ADAMTS19: variants seen among roughly 807,000 people sequenced by gnomAD.
ADAMTS19 encodes A disintegrin and metalloproteinase with thrombospondin motifs 19.
A neutral mutation model predicts 153.3 loss-of-function variants in ADAMTS19; 93 were observed. The observed-to-expected ratio is 0.61, with a 90% CI of 0.51 to 0.72. ADAMTS19 has a LOEUF of 0.72. Among genes scored for constraint, ADAMTS19 ranks in the 30% least tolerant of loss-of-function variants. ADAMTS19 has a pLI of 0.00. For synonymous variants in ADAMTS19, 600 were observed against 556.6 expected (o/e 1.08, Z -1.10); for missense variants, 1,482 against 1,552.1 (o/e 0.95, Z 0.76).
chr5:129,711,011 C>A (rs1347565208), intron 21 of ADAMTS19, among the ~76,000 whole-genome samples: 1 of 152,164 alleles, frequency 6.6e-6, no homozygotes, highest in Non-Finnish European at 1.5e-5. Flanking sequence ...CATGCCTATA[C>A]TGACCAATGA....
At chr5:129,536,707 A>G (rs562945511) in intron 6 of ADAMTS19, among the ~76,000 whole-genome samples, 1 of 152,342 alleles carries the variant, frequency 6.6e-6, no homozygotes, top group Admixed American at 6.5e-5. Flanking sequence ...TGTGGCACAT[A>G]TACACATGGA....
intron 2 of ADAMTS19, among the ~76,000 whole-genome samples, chr5:129,490,556 A>G (rs1750730134): frequency 6.6e-6 from 1 of 152,232 alleles, no homozygotes; most frequent in South Asian, 2.1e-4. Flanking sequence ...TCTAGGAACC[A>G]AATAAAATCA....
intron 16 of ADAMTS19, among the ~76,000 whole-genome samples, chr5:129,669,831 T>C (rs1444879800): frequency 2.0e-5 from 3 of 152,158 alleles, no homozygotes; most frequent in Non-Finnish European, 4.4e-5. Flanking sequence ...TTTTCATTGT[T>C]GCATTGGTTG....
chr5:129,466,375 G>A (rs1439070111), intron 2 of ADAMTS19, among the ~76,000 whole-genome samples: 1 of 151,676 alleles, frequency 6.6e-6, no homozygotes, highest in African/African-American at 2.4e-5. Flanking sequence ...AATACAAGAA[G>A]CAAAAAATTA....
intron 20 of ADAMTS19, 26 bp downstream of exon 20, chr5:129,701,618 C>G: frequency 6.2e-7 from 1 of 1,610,688 alleles, no homozygotes; most frequent in Non-Finnish European, 8.5e-7. Flanking sequence ...CTTTCTTTCC[C>G]CATTCCTACT....
intron 8 of ADAMTS19, among the ~76,000 whole-genome samples, chr5:129,610,054 A>ACC (rs1414450682): frequency 6.6e-6 from 1 of 151,052 alleles, no homozygotes; most frequent in East Asian, 1.9e-4. Context: ...AAATATAACA[A>ACC]CTTCTGTTCT....
At chr5:129,516,993 T>C (rs1561547019) in intron 3 of ADAMTS19, among the ~76,000 whole-genome samples, 1 of 151,724 alleles carries the variant, frequency 6.6e-6, no homozygotes, top group Non-Finnish European at 1.5e-5. Flanking sequence ...TTATCTTTGT[T>C]TCAAGAAATT....
At chr5:129,617,996 A>C (rs775794937) in intron 8 of ADAMTS19, among the ~76,000 whole-genome samples, 46 of 152,038 alleles carry the variant, frequency 3.0e-4, no homozygotes, top group Non-Finnish European at 5.1e-4. Context: ...GTCAGGCACT[A>C]CATATCATGT....
At chr5:129,497,357 T>A (rs1387966516) in intron 2 of ADAMTS19, among the ~76,000 whole-genome samples, 1 of 152,098 alleles carries the variant, frequency 6.6e-6, no homozygotes, top group Non-Finnish European at 1.5e-5. Context: ...TTCTGTTCTT[T>A]CTCTATCCTC....
At position 129,532,454 on chromosome 5, in the gene ADAMTS19, A is replaced by G. The variant is rs577775007; in HGVS notation, c.1328+3777A>G. Among the ~76,000 whole-genome samples, 15 of 152,272 alleles carry G rather than the reference A, an allele frequency of 9.9e-5. No homozygotes were observed. The East Asian group carries it at 1.7e-3, about 18-fold the overall frequency. On this transcript the variant is annotated intron_variant, in intron 6 of 22. Transcript: ENST00000274487. ...CAGTTATAAAAATTGAAAATACTCA[A>G]TGATGGTGAGGATATGGAACACTCC...
Position 129,679,888 on chromosome 5 carries a change from C to T in ADAMTS19, c.2631C>T (p.Ala877=). The T allele has an allele frequency of 1.2e-6, 2 of 1,613,932 alleles. No individual in the cohort carries two copies. The highest frequency in any genetic ancestry group is 2.2e-5 in the South Asian group (2 of 91,058). Residue 877 remains alanine, a synonymous_variant, in exon 17 of 23, where the codon GCC becomes GCT. Coordinates refer to ENST00000274487, the MANE Select transcript of ADAMTS19 (RefSeq NM_133638.6). The part of the protein sequence containing the change: ...VRRGLWEKIS[A]KGPTTAPLHL... The stretch of plus-strand genomic sequence containing the variant: ...GAGGCCTCTGGGAGAAGATCTCTGC[C>T]AAAGGTCCTACTACAGCACCTTTAC...
chr5:129,737,121 T>C lies in ADAMTS19; in HGVS notation c.3545T>C (p.Ile1182Thr). Residue 1182 changes from isoleucine (I) to threonine (T), a missense_variant, in exon 23 of 23, where the codon ATA becomes ACA. Transcript: ENST00000274487. The stretch of plus-strand genomic sequence containing the variant: ...CAGTGGCCAGTGTACTGCCGAGTGA[T>C]ACGTGAAAAGAACCTATGTCAGGAC... ...GDQWPVYCRV[I>T]REKNLCQDMR... The C allele has an allele frequency of 6.2e-7, 1 of 1,611,236 alleles. No individual in the cohort carries two copies. The highest frequency in any genetic ancestry group is 8.5e-7 in the Non-Finnish European group (1 of 1,178,162).
chr5:129,557,248 C>T (rs972897318), intron 7 of ADAMTS19, among the ~76,000 whole-genome samples: 1 of 151,966 alleles, frequency 6.6e-6, no homozygotes, highest in African/African-American at 2.4e-5. Context: ...GAGAGATTAG[C>T]CAAAAAGAAG....
At chr5:129,511,245 T>C (rs1751430782) in intron 3 of ADAMTS19, among the ~76,000 whole-genome samples, 1 of 151,858 alleles carries the variant, frequency 6.6e-6, no homozygotes, top group African/African-American at 2.4e-5. Context: ...AGGTTTTAGG[T>C]AGATTATGTT....
chr5:129,581,515 T>C (rs1326163192), intron 7 of ADAMTS19, among the ~76,000 whole-genome samples: 2 of 151,822 alleles, frequency 1.3e-5, no homozygotes, highest in Non-Finnish European at 2.9e-5. Flanking sequence ...ATCTGGCTAG[T>C]GGTCTATATA....
At chr5:129,623,229 A>G (rs1751865385) in intron 10 of ADAMTS19, among the ~76,000 whole-genome samples, 2 of 152,298 alleles carry the variant, frequency 1.3e-5, no homozygotes, top group African/African-American at 4.8e-5. Flanking sequence ...TTACTCAGAG[A>G]GAACAGTAGT....
At chr5:129,606,948 C>T (rs1194748615) in intron 8 of ADAMTS19, among the ~76,000 whole-genome samples, 1 of 152,072 alleles carries the variant, frequency 6.6e-6, no homozygotes, top group Non-Finnish European at 1.5e-5. Context: ...GATGGAGTCT[C>T]ACTCTGTTGC....
At chr5:129,534,204 C>G (rs1180397624) in intron 6 of ADAMTS19, among the ~76,000 whole-genome samples, 1 of 152,066 alleles carries the variant, frequency 6.6e-6, no homozygotes, top group Non-Finnish European at 1.5e-5. Flanking sequence ...GTGTTAAAGT[C>G]TCCCATTATT....
chr5:129,648,577 C>T (rs1753170146), intron 12 of ADAMTS19, among the ~76,000 whole-genome samples: 1 of 151,772 alleles, frequency 6.6e-6, no homozygotes. Context: ...GATTTTATTC[C>T]TCATATATTT....
Sources: gnomAD v4.1 joint callset for allele counts (sites outside exome capture counted in the v4.1 genomes callset) on GRCh38, gnomAD v4.1.1 for gene constraint, MANE v1.5 for transcripts, NCBI Gene and HGNC (gene_info 2026-07-23, HGNC 2026-07-21) for gene names.